ZNF143: variants seen among roughly 807,000 people sequenced by gnomAD.
ZNF143 encodes SPH-binding factor.
A neutral mutation model predicts 74.1 loss-of-function variants in ZNF143; 49 were observed. The observed-to-expected ratio is 0.66, with a 90% CI of 0.53 to 0.84. ZNF143 has a LOEUF of 0.84. ZNF143 is among the 40% of genes least tolerant of loss of function. ZNF143 has a pLI of 0.00. For missense variants in ZNF143, 637 were observed against 793.4 expected (o/e 0.80, Z 2.37); for synonymous variants, 304 against 282.8 (o/e 1.07, Z -0.75).
chr11:9,485,451 G>A (rs1232969458), intron 7 of ZNF143, among the ~76,000 whole-genome samples: 1 of 146,626 alleles, frequency 6.8e-6, no homozygotes, highest in African/African-American at 2.6e-5. Flanking sequence ...AGATTCAAGT[G>A]ATTCTCATGC....
chr11:9,474,190 C>T (rs550872194), intron 4 of ZNF143, among the ~76,000 whole-genome samples, 166 bp downstream of exon 4: 18 of 152,204 alleles, frequency 1.2e-4, no homozygotes, highest in South Asian at 2.1e-4. Context: ...AAGACTTTCT[C>T]GTAAAGATAA....
chr11:9,487,317 C>T (rs529034458), intron 7 of ZNF143, among the ~76,000 whole-genome samples: 2 of 151,426 alleles, frequency 1.3e-5, no homozygotes, highest in Admixed American at 1.3e-4. Flanking sequence ...TCTTGCACAA[C>T]GTTACATGGT....
At chr11:9,504,110 G>A (rs1359704754) in intron 11 of ZNF143, among the ~76,000 whole-genome samples, 3 of 150,948 alleles carry the variant, frequency 2.0e-5, no homozygotes, top group Admixed American at 2.0e-4. Flanking sequence ...ACAGACACCT[G>A]CCACCACACC....
chr11:9,476,747 T>TTTTTTG (rs1856922104), intron 5 of ZNF143, among the ~76,000 whole-genome samples: 1 of 19,866 alleles, frequency 5.0e-5, no homozygotes, highest in Non-Finnish European at 9.9e-5. Flanking sequence ...GGGAGGAATC[T>TTTTTTG]TTTTTTTTTT....
intron 7 of ZNF143, among the ~76,000 whole-genome samples, chr11:9,483,329 G>A (rs1260952009): frequency 3.8e-5 from 4 of 104,522 alleles, no homozygotes; most frequent in Non-Finnish European, 5.2e-5. Context: ...ACGGCATCTC[G>A]CTCTGTCACC....
chr11:9,482,091 C>T (rs1396609616), intron 7 of ZNF143, among the ~76,000 whole-genome samples: 1 of 129,320 alleles, frequency 7.7e-6, no homozygotes, highest in East Asian at 2.5e-4. Context: ...CTGCCTCAGC[C>T]TCCCGAGTAG....
intron 14 of ZNF143, among the ~76,000 whole-genome samples, chr11:9,523,754 A>T (rs563253703): frequency 2.8e-4 from 39 of 136,906 alleles, no homozygotes; most frequent in African/African-American, 5.0e-4. Flanking sequence ...TAATAATAAT[A>T]ATTATTATTC....
At chr11:9,467,483 G>T (rs1335578790) in intron 1 of ZNF143, among the ~76,000 whole-genome samples, 3 of 151,866 alleles carry the variant, frequency 2.0e-5, no homozygotes. Context: ...TGATCCACCC[G>T]CCTCAGCCTT....
At chr11:9,522,638 C>T (rs1848976975) in intron 14 of ZNF143, among the ~76,000 whole-genome samples, 1 of 152,150 alleles carries the variant, frequency 6.6e-6, no homozygotes, top group Non-Finnish European at 1.5e-5. Flanking sequence ...GGATTACAAG[C>T]ACCGGCCACC....
At chr11:9,488,422 C>T (rs1026259916) in intron 7 of ZNF143, among the ~76,000 whole-genome samples, 15 of 152,070 alleles carry the variant, frequency 9.9e-5, no homozygotes, top group Non-Finnish European at 8.8e-5. Flanking sequence ...TTTCATGAAA[C>T]TCATTCTATT....
chr11:9,513,811 C>G (rs1214659334), intron 13 of ZNF143, among the ~76,000 whole-genome samples: 6 of 152,214 alleles, frequency 3.9e-5, no homozygotes, highest in African/African-American at 7.2e-5. Flanking sequence ...GGGAGGATCA[C>G]TTGCACCCAG....
chr11:9,472,261 T>C (rs1462686639), intron 2 of ZNF143, among the ~76,000 whole-genome samples: 1 of 151,894 alleles, frequency 6.6e-6, no homozygotes. Flanking sequence ...TCACTTTTTT[T>C]CTTTTTTTTG....
At position 9,505,087 on chromosome 11, in the gene ZNF143, C is replaced by T. The variant is rs1343157492; in HGVS notation, c.1148-3532C>T. Among the ~76,000 whole-genome samples the T allele has an allele frequency of 7.4e-5, 9 of 121,420 alleles. 3 individuals carry two copies. The highest frequency in any genetic ancestry group is 1.8e-4 in the Non-Finnish European group (9 of 51,160). 79.7% of individuals were successfully genotyped at this position (121,420 alleles called of 152,430 possible). A position where few individuals can be genotyped will look rare whatever the true frequency, so the allele number is the denominator to read the frequency against. Reference sequence around the variant, plus strand: ...CTCCTGGGTTCAAGTGATTCTCCTGCCTCAGCCTCCTGAGTAGCTGGGACT... The same window carrying T: ...CTCCTGGGTTCAAGTGATTCTCCTGTCTCAGCCTCCTGAGTAGCTGGGACT... On this transcript the variant is annotated intron_variant, in intron 11 of 15. Transcript: ENST00000396602.
intron 2 of ZNF143, among the ~76,000 whole-genome samples, chr11:9,472,266 T>G (rs570547314): frequency 2.0e-5 from 3 of 151,962 alleles, no homozygotes; most frequent in Admixed American, 1.3e-4. Flanking sequence ...TTTTTTCTTT[T>G]TTTTGAGACG....
At chr11:9,516,168 A>G in intron 13 of ZNF143, 33 bp from the exon 14 acceptor site, 2 of 1,609,122 alleles carry the variant, frequency 1.2e-6, no homozygotes, top group South Asian at 2.2e-5. Flanking sequence ...AACAAGAAAC[A>G]TTGACTGCTT....
At chr11:9,483,452 G>A (rs10840247) in intron 7 of ZNF143, among the ~76,000 whole-genome samples, 91,427 of 149,192 alleles carry the variant, frequency 0.61, 28,860 homozygotes, top group Non-Finnish European at 0.67. Context: ...ACATGCCACC[G>A]TGCCTGTCTA....
intron 1 of ZNF143, among the ~76,000 whole-genome samples, chr11:9,461,381 G>C (rs1855826546): frequency 6.6e-6 from 1 of 152,204 alleles, no homozygotes; most frequent in East Asian, 1.9e-4. Flanking sequence ...CAAGGGGAGG[G>C]AGTGAAAGAG....
At chr11:9,485,137 A>T (rs1847419533) in intron 7 of ZNF143, among the ~76,000 whole-genome samples, 4 of 150,606 alleles carry the variant, frequency 2.7e-5, no homozygotes, top group Admixed American at 2.6e-4. Context: ...TGTTTTTTTT[A>T]ATTCAGGTAA....
At chr11:9,464,104 G>GTGTT (rs2133810530) in intron 1 of ZNF143, among the ~76,000 whole-genome samples, 1 of 151,690 alleles carries the variant, frequency 6.6e-6, no homozygotes, top group South Asian at 2.1e-4. Context: ...GTGTGTGTGT[G>GTGTT]TGTGTGTGTG....
Sources: gnomAD v4.1 joint callset for allele counts (sites outside exome capture counted in the v4.1 genomes callset) on GRCh38, gnomAD v4.1.1 for gene constraint, MANE v1.5 for transcripts, NCBI Gene and HGNC (gene_info 2026-07-23, HGNC 2026-07-21) for gene names.